ATIC: variants seen among roughly 807,000 people sequenced by gnomAD.
The protein encoded by ATIC is 5-aminoimidazole-4-carboxamide ribonucleotide formyltransferase/IMP cyclohydrolase.
In ATIC, 64 loss-of-function variants were observed where a neutral mutation model predicts 72.5. The observed-to-expected ratio is 0.88, with a 90% CI of 0.72 to 1.09. The LOEUF (loss-of-function observed/expected upper bound fraction) is 1.09. ATIC is among the 50% of genes least tolerant of loss of function. ATIC has a pLI of 0.00. For synonymous variants in ATIC, 281 were observed against 267.1 expected (o/e 1.05, Z -0.51); for missense variants, 787 against 732.4 (o/e 1.07, Z -0.86).
intron 4 of ATIC, among the ~76,000 whole-genome samples, chr2:215,324,089 G>C (rs2052797509): frequency 6.6e-6 from 1 of 152,138 alleles, no homozygotes; most frequent in Non-Finnish European, 1.5e-5. Flanking sequence ...TAGAGATGGG[G>C]TTTTACCATA....
At chr2:215,346,652 TCTTC>T in intron 13 of ATIC, 103 bp from the exon 14 acceptor site, 2 of 1,304,234 alleles carry the variant, frequency 1.5e-6, no homozygotes, top group Non-Finnish European at 2.2e-6. Flanking sequence ...CCTGATATGT[TCTTC>T]CACAAAACTA....
intron 4 of ATIC, among the ~76,000 whole-genome samples, chr2:215,324,890 A>G (rs913751207): frequency 2.6e-5 from 4 of 152,122 alleles, no homozygotes; most frequent in African/African-American, 7.2e-5. Flanking sequence ...GTTATCTGTA[A>G]TCTTGTACTT....
chr2:215,318,394 G>A (rs940052887), intron 3 of ATIC, among the ~76,000 whole-genome samples, 161 bp downstream of exon 3: 1 of 152,210 alleles, frequency 6.6e-6, no homozygotes, highest in East Asian at 1.9e-4. Flanking sequence ...GTTAGAACTG[G>A]TTTAAAATCC....
intron 7 of ATIC, among the ~76,000 whole-genome samples, chr2:215,330,352 G>T (rs535295533): frequency 1.3e-5 from 2 of 152,082 alleles, no homozygotes; most frequent in South Asian, 2.1e-4. Flanking sequence ...TTTTTAAAAC[G>T]GGCTTTATTT....
intron 14 of ATIC, chr2:215,347,589 A>G: frequency 2.0e-6 from 1 of 490,436 alleles, no homozygotes; most frequent in Non-Finnish European, 4.1e-6. Context: ...TCTTCTGAAG[A>G]GCCAATTGAC....
intron 6 of ATIC, among the ~76,000 whole-genome samples, chr2:215,326,609 C>CAA (rs879810774): frequency 4.3e-5 from 4 of 93,092 alleles, no homozygotes; most frequent in East Asian, 3.0e-4. Flanking sequence ...GACTTTGTCT[C>CAA]AAAAAAAAAA....
chr2:215,330,199 G>A (rs775606841), intron 7 of ATIC, among the ~76,000 whole-genome samples: 7 of 152,206 alleles, frequency 4.6e-5, no homozygotes, highest in Non-Finnish European at 1.0e-4. Context: ...TATGCCTGTT[G>A]TATGCCTTAG....
chr2:215,365,636 G>C, the ATIC span: 6 of 1,613,814 alleles, frequency 3.7e-6, no homozygotes, highest in Non-Finnish European at 5.1e-6. Context: ...CCATCCTGTA[G>C]GGGTGGGGAA....
chr2:215,362,228 A>G, the ATIC span: 1 of 683,162 alleles, frequency 1.5e-6, no homozygotes, highest in Non-Finnish European at 2.7e-6. Flanking sequence ...TGATGATTTC[A>G]TGCATTTATA....
intron 14 of ATIC, chr2:215,347,374 T>A: frequency 2.7e-6 from 1 of 370,152 alleles, no homozygotes; most frequent in South Asian, 2.3e-5. Flanking sequence ...CCCACCACAT[T>A]TTCTACATGT....
intron 7 of ATIC, 75 bp downstream of exon 7, chr2:215,327,053 G>C: frequency 1.3e-6 from 2 of 1,598,482 alleles, no homozygotes; most frequent in Non-Finnish European, 1.7e-6. Context: ...CATCTGATGT[G>C]GTTCACATTC....
intron 4 of ATIC, among the ~76,000 whole-genome samples, chr2:215,324,361 C>G (rs767131249): frequency 2.6e-5 from 4 of 151,994 alleles, no homozygotes; most frequent in African/African-American, 7.2e-5. Context: ...TGTGTCAGAT[C>G]CTTTTTGTAC....
downstream of ATIC, among the ~76,000 whole-genome samples, chr2:215,351,668 A>G (rs1177258775): frequency 2.0e-5 from 3 of 152,174 alleles, no homozygotes; most frequent in Non-Finnish European, 4.4e-5. Context: ...AAATAAGTGG[A>G]GAATATGCAA....
chr2:215,326,706 G>T, intron 6 of ATIC, 116 bp from the exon 7 acceptor site: 3 of 1,272,728 alleles, frequency 2.4e-6, no homozygotes, highest in South Asian at 2.4e-5. Context: ...GTGTTGTGCA[G>T]CCACCACATA....
the ATIC span, chr2:215,364,384 T>G: frequency 4.3e-6 from 1 of 231,662 alleles, no homozygotes; most frequent in Non-Finnish European, 8.6e-6. Context: ...TACACTGCAC[T>G]TAACACTTTG....
chr2:215,349,904 GA>G (rs1367789793), downstream of ATIC: 7 of 599,340 alleles, frequency 1.2e-5, no homozygotes, highest in African/African-American at 1.3e-4. Flanking sequence ...CTGCCCGTGT[GA>G]AACATAAACA....
chr2:215,319,310 CAGG>C (rs1226689430), intron 3 of ATIC, among the ~76,000 whole-genome samples: 2 of 152,064 alleles, frequency 1.3e-5, no homozygotes, highest in Non-Finnish European at 2.9e-5. Flanking sequence ...AGAGCTGAGA[CAGG>C]AGAACCGCTT....
chr2:215,361,051 A>T, the ATIC span: 1 of 157,552 alleles, frequency 6.3e-6, no homozygotes, highest in African/African-American at 2.4e-5. Context: ...AACAGGTAAG[A>T]GAAAGATATT....
At chr2:215,361,398 G>A in the ATIC span, 1 of 741,462 alleles carries the variant, frequency 1.3e-6, no homozygotes, top group Non-Finnish European at 2.5e-6. Context: ...GGTGATGCTT[G>A]GAGAAGCTGT....
Sources: allele counts gnomAD v4.1 joint callset (sites outside exome capture counted in the v4.1 genomes callset), GRCh38; gene constraint gnomAD v4.1.1; transcripts MANE v1.5; gene names NCBI Gene and HGNC (gene_info 2026-07-23, HGNC 2026-07-21).